ABI2: variants seen among roughly 807,000 people sequenced by gnomAD.
ABI2 encodes the protein abelson interactor 2.
In ABI2, 25 loss-of-function variants were observed where a neutral mutation model predicts 59.2. The observed-to-expected ratio is 0.42, with a 90% CI of 0.31 to 0.59. The LOEUF is 0.59. Ranked by LOEUF, ABI2 falls within the 20% of genes least tolerant of loss-of-function variation. The probability of loss-of-function intolerance (pLI) is 0.14; values close to 1 mark genes in which losing one functional copy is unlikely to be tolerated. For synonymous variants in ABI2, 213 were observed against 235.5 expected, an observed-to-expected ratio of 0.90 and a Z score of 0.87; for missense variants, 545 against 681.8, an observed-to-expected ratio of 0.80 and a Z score of 2.23.
At chr2:203,339,137 C>A (rs924276864) in intron 1 of ABI2, among the ~76,000 whole-genome samples, 1 of 150,660 alleles carries the variant, frequency 6.6e-6, no homozygotes, top group African/African-American at 2.5e-5. Context: ...CATCACTAAT[C>A]ATTAGGGAAA....
At chr2:203,390,262 G>A (rs1215792824) in intron 4 of ABI2, among the ~76,000 whole-genome samples, 1 of 152,180 alleles carries the variant, frequency 6.6e-6, no homozygotes, top group Non-Finnish European at 1.5e-5. Flanking sequence ...ATATTCTCTA[G>A]TTACAGTGGA....
intron 1 of ABI2, among the ~76,000 whole-genome samples, chr2:203,353,134 T>C: frequency 6.6e-6 from 1 of 152,252 alleles, no homozygotes; most frequent in East Asian, 1.9e-4. Context: ...TGACTGTACT[T>C]CTGTTTCTAA....
chr2:203,387,779 C>T (rs2096587622), intron 4 of ABI2, among the ~76,000 whole-genome samples: 1 of 152,154 alleles, frequency 6.6e-6, no homozygotes, highest in African/African-American at 2.4e-5. Context: ...AGTGAAATTA[C>T]TATTATGAAG....
chr2:203,370,227 T>TG (rs1491541898), intron 2 of ABI2, among the ~76,000 whole-genome samples: 1 of 141,590 alleles, frequency 7.1e-6, no homozygotes, highest in Non-Finnish European at 1.6e-5. Flanking sequence ...TCTCTCTCTC[T>TG]TTCTGTGTGT....
rs1235785468 is a variant in ABI2 at position 203,430,710 on chromosome 2, T to G, written c.*3358T>G. 1 of 152,230 alleles carries G rather than the reference T, an allele frequency of 6.6e-6. No homozygotes were observed. The highest frequency in any genetic ancestry group is 1.5e-5 in the Non-Finnish European group (1 of 68,046). 9.4% of individuals were successfully genotyped at this position (152,230 alleles called of 1,614,324 possible). Reference sequence around the variant, plus strand: ...TGGCCTGCTAATTTTGCTATGTTCCTAAAAGTTACTGGGTGTGAGACATTT... The same window carrying G: ...TGGCCTGCTAATTTTGCTATGTTCCGAAAAGTTACTGGGTGTGAGACATTT... On this transcript the variant is annotated 3_prime_UTR_variant, in exon 12 of 12. Coordinates refer to ENST00000261018, the MANE Select transcript of ABI2 (RefSeq NM_001375670.1).
In ABI2 at chr2:203,397,937, TC is replaced by T. The variant is rs1263558621; in HGVS notation, c.1033+972del. 4.6e-5 allele frequency among the ~76,000 whole-genome samples: 7 copies of T among 152,288 alleles called. No individual in the cohort carries two copies. In the South Asian group the frequency reaches 1.5e-3, roughly 32 times the overall value. On this transcript the variant is annotated intron_variant, in intron 8 of 11. Transcript: ENST00000261018. ...AAACCATGAGAAACCGCCCTTGTGA[TC>T]CAGTCACCTCCCCCTAGGCCCCACC... is the stretch of plus-strand genomic sequence containing the variant.
chr2:203,350,374 G>A (rs2087055428), intron 1 of ABI2, among the ~76,000 whole-genome samples: 1 of 151,974 alleles, frequency 6.6e-6, no homozygotes, highest in African/African-American at 2.4e-5. Flanking sequence ...TAAGAGACAG[G>A]GTCAGTCTCT....
intron 3 of ABI2, among the ~76,000 whole-genome samples, chr2:203,381,438 T>C (rs1031954880): frequency 6.6e-6 from 1 of 152,144 alleles, no homozygotes; most frequent in East Asian, 1.9e-4. Flanking sequence ...CTGAGCTAAA[T>C]TTTTTGTTTG....
At chr2:203,368,522 T>C (rs1402323613) in intron 2 of ABI2, among the ~76,000 whole-genome samples, 1 of 152,176 alleles carries the variant, frequency 6.6e-6, no homozygotes, top group Non-Finnish European at 1.5e-5. Flanking sequence ...TTTGTATAAC[T>C]AGACCAAATA....
chr2:203,348,739 C>T (rs1488855289), intron 1 of ABI2, among the ~76,000 whole-genome samples: 1 of 152,114 alleles, frequency 6.6e-6, no homozygotes, highest in East Asian at 1.9e-4. Context: ...GTATTTTCTT[C>T]CTCCCATCAC....
At chr2:203,412,051 A>G (rs2097699221) in intron 10 of ABI2, among the ~76,000 whole-genome samples, 3 of 152,222 alleles carry the variant, frequency 2.0e-5, no homozygotes, top group African/African-American at 7.2e-5. Flanking sequence ...CACAATAATA[A>G]GGTTACATGA....
intron 9 of ABI2, among the ~76,000 whole-genome samples, chr2:203,408,485 C>T (rs1186106332): frequency 6.6e-6 from 1 of 151,668 alleles, no homozygotes; most frequent in Non-Finnish European, 1.5e-5. Flanking sequence ...CTTAAAACCA[C>T]TATGGCTTCA....
At chr2:203,390,383 G>A (rs2096696351) in intron 4 of ABI2, among the ~76,000 whole-genome samples, 1 of 152,172 alleles carries the variant, frequency 6.6e-6, no homozygotes, top group Admixed American at 6.5e-5. Flanking sequence ...TGTAATCCTA[G>A]CACTTTGGGA....
chr2:203,392,275 T>TCACCACCAC lies in ABI2; in HGVS notation c.578+1165_578+1173dup, dbSNP rs75654136. 2.4e-4 allele frequency among the ~76,000 whole-genome samples: 30 copies of TCACCACCAC among 127,360 alleles called. No homozygotes were observed. The East Asian group carries it at 4.6e-3, about 20-fold the overall frequency. The allele number at this position is 127,360 out of a possible 152,430, so 83.6% of individuals were successfully genotyped here. A position where few individuals can be genotyped will look rare whatever the true frequency, so the allele number is the denominator to read the frequency against. On this transcript the variant is annotated intron_variant, in intron 5 of 11. Transcript: ENST00000261018. The stretch of plus-strand genomic sequence containing the variant: ...TTTGGCTTCCTCAGCACCACCACCA[T>TCACCACCAC]CACCACCACCACCACCACCACCACC...
intron 1 of ABI2, among the ~76,000 whole-genome samples, chr2:203,366,381 T>A (rs2094450111): frequency 6.6e-6 from 1 of 151,980 alleles, no homozygotes; most frequent in South Asian, 2.1e-4. Flanking sequence ...TTATTTATCA[T>A]ATTATTTATA....
At chr2:203,401,724 G>A (rs2097228395) in intron 8 of ABI2, among the ~76,000 whole-genome samples, 1 of 151,946 alleles carries the variant, frequency 6.6e-6, no homozygotes, top group South Asian at 2.1e-4. Flanking sequence ...AGCTTTCGTG[G>A]TAGATTTTTT....
At chr2:203,363,518 A>C in intron 1 of ABI2, among the ~76,000 whole-genome samples, 2 of 140,026 alleles carry the variant, frequency 1.4e-5, no homozygotes, top group Admixed American at 7.3e-5. Context: ...CTCCTGTCCT[A>C]CCTCCCCACT....
chr2:203,328,850 G>C (rs2070407678), intron 1 of ABI2: 1 of 348,020 alleles, frequency 2.9e-6, no homozygotes, highest in African/African-American at 2.1e-5. Flanking sequence ...AGCAGTTCTC[G>C]GCGTGGTGCG....
At chr2:203,351,009 A>G (rs1229563881) in intron 1 of ABI2, among the ~76,000 whole-genome samples, 1 of 152,158 alleles carries the variant, frequency 6.6e-6, no homozygotes, top group Non-Finnish European at 1.5e-5. Context: ...TCTTTGATCC[A>G]TTTTGAGTTA....
Sources: gnomAD v4.1 joint callset for allele counts (sites outside exome capture counted in the v4.1 genomes callset) on GRCh38, gnomAD v4.1.1 for gene constraint, MANE v1.5 for transcripts, NCBI Gene and HGNC (gene_info 2026-07-23, HGNC 2026-07-21) for gene names.